PPP2R2B: variants seen among roughly 807,000 people sequenced by gnomAD.
PPP2R2B encodes serine/threonine-protein phosphatase 2A 55 kDa regulatory subunit B beta isoform.
A neutral mutation model predicts 46.0 loss-of-function variants in PPP2R2B; 5 were observed. That is an observed-to-expected ratio of 0.11 (90% CI 0.06 to 0.23). The LOEUF is 0.23. Among genes scored for constraint, PPP2R2B ranks in the 10% least tolerant of loss-of-function variants. PPP2R2B has a pLI of 1.00. For missense variants in PPP2R2B, 367 were observed against 575.0 expected (o/e 0.64, Z 3.70); for synonymous variants, 215 against 206.7 (o/e 1.04, Z -0.34).
chr5:146,837,982 C>G (rs1390075776), intron 2 of PPP2R2B, among the ~76,000 whole-genome samples: 1 of 152,146 alleles, frequency 6.6e-6, no homozygotes, highest in East Asian at 1.9e-4. Flanking sequence ...ATGGCAGTGT[C>G]TCTTCTCATA....
intron 5 of PPP2R2B, among the ~76,000 whole-genome samples, chr5:146,684,665 C>G (rs144357790): frequency 6.6e-6 from 1 of 152,316 alleles, no homozygotes; most frequent in Admixed American, 6.5e-5. Flanking sequence ...CCAGATGCAT[C>G]GTGGAAACTC....
chr5:146,816,912 G>A (rs937446743), intron 2 of PPP2R2B, among the ~76,000 whole-genome samples: 5 of 152,144 alleles, frequency 3.3e-5, no homozygotes, highest in African/African-American at 1.2e-4. Context: ...AATACCAGTG[G>A]TTAAGAATTA....
intron 2 of PPP2R2B, among the ~76,000 whole-genome samples, chr5:146,846,069 G>T (rs1183307994): frequency 6.6e-6 from 1 of 152,112 alleles, no homozygotes; most frequent in Non-Finnish European, 1.5e-5. Flanking sequence ...TTGATACATT[G>T]GATTAAAATA....
rs1330036394 is a variant in PPP2R2B at position 147,040,390 on chromosome 5, T to G, written c.79+15275A>C. Among the ~76,000 whole-genome samples the G allele has an allele frequency of 2.6e-5, 4 of 152,038 alleles. No individual in the cohort carries two copies. The East Asian group carries it at 5.8e-4, about 22-fold the overall frequency. ...TATCTGAATCAAAGTTTAAAACAATTTCCAAACAGAAGACTAGAAATACTG... is the reference window on the plus strand; with the variant it reads ...TATCTGAATCAAAGTTTAAAACAATGTCCAAACAGAAGACTAGAAATACTG... On this transcript the variant is annotated intron_variant, in intron 1 of 8. Coordinates refer to the PPP2R2B transcript ENST00000336640.
intron 1 of PPP2R2B, among the ~76,000 whole-genome samples, chr5:146,954,599 C>T (rs1751789030): frequency 6.6e-6 from 1 of 152,072 alleles, no homozygotes; most frequent in African/African-American, 2.4e-5. Context: ...TCTCACAAAT[C>T]TCCACCAAAA....
At chr5:146,955,625 C>T (rs1418321891) in intron 1 of PPP2R2B, among the ~76,000 whole-genome samples, 4 of 152,072 alleles carry the variant, frequency 2.6e-5, no homozygotes, top group African/African-American at 9.7e-5. Context: ...CTTTTTAACA[C>T]CCAGCACAAG....
At chr5:146,981,507 T>A (rs1213403127) in intron 1 of PPP2R2B, among the ~76,000 whole-genome samples, 1 of 152,176 alleles carries the variant, frequency 6.6e-6, no homozygotes. Context: ...CTCTTGGAAT[T>A]TTTTTGTTTA....
rs78224402 is a variant in PPP2R2B, at chr5:146,653,902, C to T, written c.448-3178G>A. ...TATTCCAACATCAGTCCCAGGCCTA[C>T]GTCAAGGCTTGTCTGCTGCCCAGTG... On this transcript the variant is annotated intron_variant, in intron 5 of 9. Transcript: ENST00000394411. Among the ~76,000 whole-genome samples the T allele has an allele frequency of 7.0e-3, 1,066 of 152,234 alleles. 15 individuals carry two copies. Among genetic ancestry groups the T allele is most frequent in the African/African-American group, 0.024 (1,017 of 41,540 alleles).
At chr5:147,000,061 T>C (rs2151868281) in intron 1 of PPP2R2B, among the ~76,000 whole-genome samples, 1 of 152,300 alleles carries the variant, frequency 6.6e-6, no homozygotes, top group Non-Finnish European at 1.5e-5. Flanking sequence ...ACACCAAGGC[T>C]GTGATGATGG....
At chr5:146,987,904 A>G (rs1421019569) in intron 1 of PPP2R2B, among the ~76,000 whole-genome samples, 2 of 152,004 alleles carry the variant, frequency 1.3e-5, no homozygotes, top group South Asian at 2.1e-4. Flanking sequence ...ACATGCATAG[A>G]CTAAAAGTGA....
intron 2 of PPP2R2B, among the ~76,000 whole-genome samples, chr5:146,860,519 C>T (rs1268631077): frequency 6.6e-6 from 1 of 152,066 alleles, no homozygotes; most frequent in African/African-American, 2.4e-5. Context: ...CAAAATGTAC[C>T]CATACTCTGT....
rs1770413422 is a variant in PPP2R2B at position 146,589,778 on chromosome 5, T to G, written c.*169A>C. The G allele has an allele frequency of 8.3e-6, 6 of 719,806 alleles. No individual in the cohort carries two copies. The Admixed American group carries it at 1.7e-4, about 21-fold the overall frequency. 44.6% of individuals were successfully genotyped at this position (719,806 alleles called of 1,614,324 possible). On this transcript the variant is annotated 3_prime_UTR_variant, in exon 10 of 10. Coordinates refer to ENST00000394411, the MANE Select transcript of PPP2R2B (RefSeq NM_181675.4). Reference sequence around the variant, plus strand: ...CAAACCTATTGGGTTTGACAAAAGTTTCTTAGAACTGGGGAGCTGGGAATG... The same window carrying G: ...CAAACCTATTGGGTTTGACAAAAGTGTCTTAGAACTGGGGAGCTGGGAATG...
intron 2 of PPP2R2B, among the ~76,000 whole-genome samples, chr5:146,755,170 G>A (rs1321372008): frequency 6.6e-6 from 1 of 152,176 alleles, no homozygotes; most frequent in Non-Finnish European, 1.5e-5. Flanking sequence ...GGAGAGGAGA[G>A]GGATGGAGGG....
At chr5:146,600,573 G>A (rs535436167) in intron 7 of PPP2R2B, 113 bp from the exon 8 acceptor site, 1 of 1,026,932 alleles carries the variant, frequency 9.7e-7, no homozygotes, top group African/African-American at 1.6e-5. Flanking sequence ...AGTAGGGCTG[G>A]TGTCTGCAGA....
intron 1 of PPP2R2B, among the ~76,000 whole-genome samples, chr5:147,028,253 T>G (rs1377394041): frequency 6.6e-6 from 1 of 152,184 alleles, no homozygotes; most frequent in Non-Finnish European, 1.5e-5. Context: ...TCTCCCTTCT[T>G]GATCCTGCAG....
intron 5 of PPP2R2B, among the ~76,000 whole-genome samples, chr5:146,677,195 C>G (rs1040004801): frequency 6.6e-6 from 1 of 152,148 alleles, no homozygotes; most frequent in Non-Finnish European, 1.5e-5. Flanking sequence ...TTTGAACTGG[C>G]AAGATAATTG....
chr5:146,755,132 A>G (rs1753764361), intron 2 of PPP2R2B, among the ~76,000 whole-genome samples: 1 of 152,142 alleles, frequency 6.6e-6, no homozygotes, highest in Non-Finnish European at 1.5e-5. Flanking sequence ...GATGTGCCAT[A>G]GTGATGAAGG....
At chr5:146,744,124 C>T (rs556366091) in intron 2 of PPP2R2B, among the ~76,000 whole-genome samples, 1 of 152,202 alleles carries the variant, frequency 6.6e-6, no homozygotes. Flanking sequence ...TAGATGCTTG[C>T]TCCTTCCTCC....
rs540422437 is a variant in PPP2R2B at position 146,913,939 on chromosome 5, A to T, written c.79+141726T>A. On this transcript the variant is annotated intron_variant, in intron 1 of 8. Coordinates refer to the PPP2R2B transcript ENST00000336640. ...TTTGGTAGGATTTTTGTTCTGGCCA[A>T]CCCAACTTCAAATCTATGAGGTTAT... Among the ~76,000 whole-genome samples, 4 of 152,308 alleles carry T rather than the reference A, an allele frequency of 2.6e-5. No individual in the cohort carries two copies. In the East Asian group the frequency reaches 7.7e-4, roughly 29 times the overall value.
Sources: gnomAD v4.1 joint callset for allele counts (sites outside exome capture counted in the v4.1 genomes callset) on GRCh38, gnomAD v4.1.1 for gene constraint, MANE v1.5 for transcripts, NCBI Gene and HGNC (gene_info 2026-07-23, HGNC 2026-07-21) for gene names.